ZNF385B: variants seen among roughly 807,000 people sequenced by gnomAD.
ZNF385B encodes the protein zinc finger protein 385B.
Under a neutral mutation model 39.2 loss-of-function variants are expected in ZNF385B, and 23 were observed. That is an observed-to-expected ratio of 0.59 (90% CI 0.42 to 0.83). ZNF385B has a LOEUF of 0.83. Ranked by LOEUF, ZNF385B falls within the 40% of genes least tolerant of loss-of-function variation. ZNF385B has a pLI of 0.00. For missense variants in ZNF385B, 552 were observed against 598.9 expected (o/e 0.92, Z 0.82); for synonymous variants, 205 against 222.6 (o/e 0.92, Z 0.70).
chr2:179,800,288 A>T (rs931152455), intron 1 of ZNF385B, among the ~76,000 whole-genome samples: 1 of 152,090 alleles, frequency 6.6e-6, no homozygotes, highest in Admixed American at 6.6e-5. Context: ...ATATGACATA[A>T]ACTTTGAAAA....
intron 3 of ZNF385B, among the ~76,000 whole-genome samples, chr2:179,743,027 T>C (rs1034983944): frequency 2.0e-5 from 3 of 152,098 alleles, no homozygotes; most frequent in African/African-American, 7.2e-5. Flanking sequence ...TCTGAGTGAA[T>C]GTCCTATGTT....
intron 4 of ZNF385B, among the ~76,000 whole-genome samples, chr2:179,520,499 A>G (rs145107358): frequency 1.5e-3 from 226 of 152,310 alleles, no homozygotes; most frequent in African/African-American, 5.1e-3. Context: ...ATAAATTCCT[A>G]GTTCACTTTC....
chr2:179,513,580 C>T (rs2057853284), intron 5 of ZNF385B, among the ~76,000 whole-genome samples: 1 of 152,312 alleles, frequency 6.6e-6, no homozygotes, highest in African/African-American at 2.4e-5. Flanking sequence ...TTATGCCTTC[C>T]ACAACCCAAC....
chr2:179,744,911 T>G (rs1467014583), intron 3 of ZNF385B, among the ~76,000 whole-genome samples: 1 of 152,018 alleles, frequency 6.6e-6, no homozygotes, highest in Non-Finnish European at 1.5e-5. Flanking sequence ...ACTTGGAGGC[T>G]AACTTTGTGT....
At chr2:179,641,861 AGATGCTTTC>A (rs1391248513) in intron 3 of ZNF385B, among the ~76,000 whole-genome samples, 2 of 152,136 alleles carry the variant, frequency 1.3e-5, no homozygotes, top group African/African-American at 2.4e-5. Flanking sequence ...TTGTGTCCTG[AGATGCTTTC>A]GATGAAGGTG....
chr2:179,470,701 G>A (rs1043935776), intron 6 of ZNF385B, among the ~76,000 whole-genome samples: 7 of 152,184 alleles, frequency 4.6e-5, no homozygotes, highest in Admixed American at 2.6e-4. Context: ...GCTAGTGTTA[G>A]CCTGTAGCAA....
chr2:179,542,969 TA>T lies in ZNF385B; in HGVS notation c.441+1857del, dbSNP rs780385021. On this transcript the variant is annotated intron_variant, in intron 4 of 9. Coordinates refer to ENST00000410066, the MANE Select transcript of ZNF385B (RefSeq NM_152520.6). ...GTAAGTATTCATGTATTATTTATGT[TA>T]AAAAAATAAATAAATAAAGAGGTCA... is the stretch of plus-strand genomic sequence containing the variant. 1.1e-4 allele frequency among the ~76,000 whole-genome samples: 16 copies of T among 151,942 alleles called. 1 individual carries two copies. Among genetic ancestry groups the T allele is most frequent in the Non-Finnish European group, 1.3e-4 (9 of 68,022 alleles).
At chr2:179,551,700 G>A (rs2060578094) in intron 3 of ZNF385B, among the ~76,000 whole-genome samples, 1 of 152,086 alleles carries the variant, frequency 6.6e-6, no homozygotes, top group African/African-American at 2.4e-5. Flanking sequence ...ACCCTGTGGT[G>A]TGACTCACTT....
intron 6 of ZNF385B, among the ~76,000 whole-genome samples, chr2:179,482,457 G>A (rs77275646): frequency 0.068 from 10,329 of 152,292 alleles, 478 homozygotes; most frequent in Non-Finnish European, 0.099. Flanking sequence ...AGGGGCAGAT[G>A]TGAGAATTGT....
chr2:179,661,018 G>A (rs983437823), intron 3 of ZNF385B, among the ~76,000 whole-genome samples: 7 of 152,016 alleles, frequency 4.6e-5, no homozygotes, highest in Admixed American at 2.0e-4. Flanking sequence ...AAGTTTTATC[G>A]GTACTTGTTC....
intron 4 of ZNF385B, 103 bp downstream of exon 4, chr2:179,544,724 T>G: frequency 6.8e-7 from 1 of 1,460,360 alleles, no homozygotes; most frequent in East Asian, 2.3e-5. Flanking sequence ...ATATATGGTC[T>G]AAAATTACAC....
intron 6 of ZNF385B, among the ~76,000 whole-genome samples, chr2:179,470,826 C>T (rs982536288): frequency 2.0e-5 from 3 of 150,968 alleles, no homozygotes; most frequent in African/African-American, 7.3e-5. Context: ...TCAAGCCAGC[C>T]CAGCAAGCTG....
At chr2:179,750,361 T>C (rs1702602406) in intron 3 of ZNF385B, among the ~76,000 whole-genome samples, 2 of 152,160 alleles carry the variant, frequency 1.3e-5, no homozygotes, top group African/African-American at 4.8e-5. Flanking sequence ...ACTCTTATCC[T>C]TGCTTTGAAG....
chr2:179,654,224 C>T (rs377059869), intron 3 of ZNF385B, among the ~76,000 whole-genome samples: 9 of 152,062 alleles, frequency 5.9e-5, no homozygotes, highest in Non-Finnish European at 1.0e-4. Flanking sequence ...ACAGGTATAC[C>T]GTGTCTCCAA....
At chr2:179,730,240 A>G in intron 3 of ZNF385B, among the ~76,000 whole-genome samples, 1 of 152,196 alleles carries the variant, frequency 6.6e-6, no homozygotes, top group East Asian at 1.9e-4. Context: ...AATAACTCTT[A>G]AAAGTGTCTA....
chr2:179,808,440 G>A (rs527636531), intron 1 of ZNF385B, among the ~76,000 whole-genome samples: 3 of 152,278 alleles, frequency 2.0e-5, no homozygotes. Context: ...AAGGGATAAA[G>A]CAAAGGCACA....
chr2:179,622,915 A>G (rs1690336073), intron 3 of ZNF385B, among the ~76,000 whole-genome samples: 1 of 151,982 alleles, frequency 6.6e-6, no homozygotes, highest in South Asian at 2.1e-4. Context: ...CACTACCATC[A>G]TTATCAAGGC....
intron 1 of ZNF385B, among the ~76,000 whole-genome samples, chr2:179,841,722 T>G (rs1708543181): frequency 6.6e-6 from 1 of 152,136 alleles, no homozygotes; most frequent in African/African-American, 2.4e-5. Flanking sequence ...AAATCTCCAT[T>G]GAGAGCCACT....
intron 6 of ZNF385B, among the ~76,000 whole-genome samples, chr2:179,462,852 A>G (rs559863436): frequency 4.5e-4 from 68 of 152,320 alleles, no homozygotes; most frequent in African/African-American, 1.6e-3. Context: ...GGTTATGTGC[A>G]TAAAGATCTT....
Sources: gnomAD v4.1 joint callset for allele counts (sites outside exome capture counted in the v4.1 genomes callset) on GRCh38, gnomAD v4.1.1 for gene constraint, MANE v1.5 for transcripts, NCBI Gene and HGNC (gene_info 2026-07-23, HGNC 2026-07-21) for gene names.